RORA: variants seen among roughly 807,000 people sequenced by gnomAD.
The protein encoded by RORA is nuclear receptor ROR-alpha.
In RORA, 7 loss-of-function variants were observed where a neutral mutation model predicts 69.5. The ratio of observed to expected loss-of-function variants is 0.10; its 90% CI spans 0.06 to 0.19. RORA has a LOEUF of 0.19. Ranked by LOEUF, RORA falls within the 10% of genes least tolerant of loss-of-function variation. RORA has a pLI of 1.00. For missense variants in RORA, 457 were observed against 663.0 expected (o/e 0.69, Z 3.41); for synonymous variants, 261 against 240.8 (o/e 1.08, Z -0.78).
intron 2 of RORA, among the ~76,000 whole-genome samples, chr15:60,541,588 A>G (rs1381069107): frequency 6.6e-6 from 1 of 152,200 alleles, no homozygotes; most frequent in Non-Finnish European, 1.5e-5. Flanking sequence ...ATTTCTTAGT[A>G]GGAAAGGGAA....
intron 1 of RORA, among the ~76,000 whole-genome samples, chr15:61,121,312 G>A (rs962808775): frequency 7.9e-5 from 12 of 152,148 alleles, no homozygotes; most frequent in African/African-American, 2.9e-4. Flanking sequence ...TGCAGTGGAG[G>A]GATGCATATG....
At chr15:61,125,169 A>T (rs909192872) in intron 1 of RORA, among the ~76,000 whole-genome samples, 5 of 152,220 alleles carry the variant, frequency 3.3e-5, no homozygotes, top group African/African-American at 1.2e-4. Context: ...TACATCTATT[A>T]ACACTAGTAT....
chr15:60,591,613 C>A (rs2068514998), intron 2 of RORA, among the ~76,000 whole-genome samples: 1 of 152,160 alleles, frequency 6.6e-6, no homozygotes, highest in South Asian at 2.1e-4. Flanking sequence ...TCGGCCCTCA[C>A]CACGGTCTAA....
At chr15:60,666,526 C>A (rs2070384736) in intron 2 of RORA, among the ~76,000 whole-genome samples, 2 of 151,952 alleles carry the variant, frequency 1.3e-5, no homozygotes, top group African/African-American at 4.8e-5. Flanking sequence ...GCTACATAAA[C>A]AGCAACTATT....
Position 61,115,154 on chromosome 15 carries a change from T to A in RORA, c.166+113899A>T, listed in dbSNP as rs922314755. Among the ~76,000 whole-genome samples the A allele has an allele frequency of 3.9e-5, 6 of 152,138 alleles. No individual in the cohort carries two copies. In the South Asian group the frequency reaches 6.2e-4, roughly 16 times the overall value. Reference sequence around the variant, plus strand: ...CACGGGTTTAGAGTCTTGGGTCTGGTCCAGTGAAGACACTGCTCTCTTTCA... The same window carrying A: ...CACGGGTTTAGAGTCTTGGGTCTGGACCAGTGAAGACACTGCTCTCTTTCA... On this transcript the variant is annotated intron_variant, in intron 1 of 10. Transcript: ENST00000335670.
chr15:60,642,688 C>T (rs1367674473), intron 2 of RORA, among the ~76,000 whole-genome samples: 1 of 151,842 alleles, frequency 6.6e-6, no homozygotes, highest in African/African-American at 2.4e-5. Context: ...CCCGGAAGTT[C>T]AAGACCAGCC....
intron 1 of RORA, among the ~76,000 whole-genome samples, chr15:60,713,874 T>C (rs1451959089): frequency 6.6e-6 from 1 of 152,220 alleles, no homozygotes; most frequent in East Asian, 1.9e-4. Flanking sequence ...CAACGCAGAG[T>C]AACAGCTGCC....
intron 1 of RORA, among the ~76,000 whole-genome samples, chr15:60,743,692 C>T (rs1468307255): frequency 6.6e-6 from 1 of 152,212 alleles, no homozygotes; most frequent in Non-Finnish European, 1.5e-5. Flanking sequence ...CATCTCCAGA[C>T]AGTATGACTC....
intron 2 of RORA, among the ~76,000 whole-genome samples, chr15:60,607,957 G>A (rs927546073): frequency 6.6e-6 from 1 of 152,200 alleles, no homozygotes; most frequent in Non-Finnish European, 1.5e-5. Context: ...ACATGATACC[G>A]ATACCTTTTT....
intron 1 of RORA, among the ~76,000 whole-genome samples, chr15:60,770,996 A>G (rs1324599808): frequency 6.6e-6 from 1 of 152,242 alleles, no homozygotes; most frequent in Non-Finnish European, 1.5e-5. Flanking sequence ...GGACATAATT[A>G]TATCAAAAAT....
chr15:60,658,064 A>G (rs1567144253), intron 2 of RORA, among the ~76,000 whole-genome samples: 1 of 151,236 alleles, frequency 6.6e-6, no homozygotes, highest in Non-Finnish European at 1.5e-5. Flanking sequence ...GTGGAAGGAG[A>G]TTACATTTTT....
At chr15:60,947,404 GCT>G (rs1892926711) in intron 1 of RORA, among the ~76,000 whole-genome samples, 1 of 152,096 alleles carries the variant, frequency 6.6e-6, no homozygotes, top group Non-Finnish European at 1.5e-5. Context: ...CCAACCCGGT[GCT>G]CTCTGAAACA....
intron 1 of RORA, among the ~76,000 whole-genome samples, chr15:61,185,296 C>A (rs574208367): frequency 6.6e-6 from 1 of 152,216 alleles, no homozygotes; most frequent in African/African-American, 2.4e-5. Flanking sequence ...AGCCTCCAGA[C>A]CTGTTGATCC....
At chr15:60,688,560 G>A (rs1376354433) in intron 1 of RORA, among the ~76,000 whole-genome samples, 1 of 152,282 alleles carries the variant, frequency 6.6e-6, no homozygotes, top group Non-Finnish European at 1.5e-5. Flanking sequence ...CCTATGGCAA[G>A]TACTAATTGC....
chr15:60,730,178 G>T (rs1376232473), intron 1 of RORA, among the ~76,000 whole-genome samples: 1 of 152,216 alleles, frequency 6.6e-6, no homozygotes, highest in Non-Finnish European at 1.5e-5. Flanking sequence ...GACTGCAGGA[G>T]AAGATCTGTA....
rs546071303 is a variant in RORA at position 60,719,588 on chromosome 15, C to G, written c.167-40902G>C. On this transcript the variant is annotated intron_variant, in intron 1 of 10. Coordinates refer to ENST00000335670, the MANE Select transcript of RORA (RefSeq NM_134261.3). ...AGTAATTAATGGCCAATCTTATGTG[C>G]ATTCCTTTAAGCACAAGCAGCTGTC... Among the ~76,000 whole-genome samples the G allele has an allele frequency of 1.5e-3, 223 of 152,300 alleles. 1 individual carries two copies. Among genetic ancestry groups the G allele is most frequent in the African/African-American group, 5.1e-3 (213 of 41,580 alleles).
intron 1 of RORA, among the ~76,000 whole-genome samples, chr15:60,843,880 T>A (rs567174660): frequency 3.9e-5 from 6 of 152,350 alleles, no homozygotes; most frequent in Admixed American, 2.0e-4. Flanking sequence ...CATCTCAGGA[T>A]AATGCACTAA....
chr15:60,721,944 C>A (rs1165443364), intron 1 of RORA, among the ~76,000 whole-genome samples: 1 of 152,246 alleles, frequency 6.6e-6, no homozygotes, highest in Non-Finnish European at 1.5e-5. Flanking sequence ...TGCAACCAAC[C>A]CTTTAGAAAC....
chr15:60,771,067 T>C (rs2072065445), intron 1 of RORA, among the ~76,000 whole-genome samples: 1 of 152,254 alleles, frequency 6.6e-6, no homozygotes, highest in Admixed American at 6.5e-5. Context: ...ATTTGCTAAA[T>C]CTGGCAACCC....
Sources: allele counts gnomAD v4.1 joint callset (sites outside exome capture counted in the v4.1 genomes callset), GRCh38; gene constraint gnomAD v4.1.1; transcripts MANE v1.5; gene names NCBI Gene and HGNC (gene_info 2026-07-23, HGNC 2026-07-21).